Variants in MCPH1 observed in about 807,000 individuals in gnomAD.
MCPH1 encodes the protein microcephalin 1.
Under a neutral mutation model 84.5 loss-of-function variants are expected in MCPH1, and 104 were observed. The ratio of observed to expected loss-of-function variants is 1.23; its 90% CI spans 1.05 to 1.45. MCPH1 has a LOEUF of 1.45. Among genes scored for constraint, MCPH1 ranks in the 40% most tolerant of loss-of-function variants. The pLI is 0.00. For missense variants in MCPH1, 1,498 were observed against 1,005.7 expected, an observed-to-expected ratio of 1.49 and a Z score of -6.62; for synonymous variants, 514 against 366.8, an observed-to-expected ratio of 1.40 and a Z score of -4.58.
chr8:6,436,932 T>C (rs1375861124), intron 5 of MCPH1, among the ~76,000 whole-genome samples: 1 of 151,860 alleles, frequency 6.6e-6, no homozygotes, highest in African/African-American at 2.4e-5. Flanking sequence ...ACTGCACCAC[T>C]GCACTCCAGC....
At chr8:6,414,112 A>C (rs971982786) in intron 2 of MCPH1, among the ~76,000 whole-genome samples, 21 of 151,794 alleles carry the variant, frequency 1.4e-4, no homozygotes, top group African/African-American at 4.6e-4. Context: ...CTTATTTTCA[A>C]CCTTCTTACT....
chr8:6,500,808 C>A (rs2129562822), intron 12 of MCPH1: 1 of 152,312 alleles, frequency 6.6e-6, no homozygotes, highest in South Asian at 2.1e-4. Flanking sequence ...TCCCCCCATT[C>A]TCGCTCATAA....
At chr8:6,527,628 G>C (rs754043720) in intron 12 of MCPH1, 3 of 1,613,852 alleles carry the variant, frequency 1.9e-6, no homozygotes, top group African/African-American at 1.3e-5. Context: ...TTTGTCGAGA[G>C]GGAGTGTTCC....
intron 2 of MCPH1, among the ~76,000 whole-genome samples, chr8:6,411,568 G>C (rs1216394936): frequency 3.3e-5 from 5 of 152,170 alleles, no homozygotes; most frequent in Admixed American, 1.3e-4. Flanking sequence ...AAGATCGACA[G>C]TGAGAACAAA....
chr8:6,453,992 T>C (rs1326565729), intron 8 of MCPH1, among the ~76,000 whole-genome samples: 2 of 152,204 alleles, frequency 1.3e-5, no homozygotes, highest in African/African-American at 4.8e-5. Context: ...AGTATTAACA[T>C]TTTTATTCTA....
At position 6,548,297 on chromosome 8, in the gene MCPH1, C is replaced by T. The variant is rs116613739; in HGVS notation, c.2214+48368C>T. The stretch of plus-strand genomic sequence containing the variant: ...GGTGGTGTGTGTAGACCTGACAGGA[C>T]TCTACTCGTGCGTCACTTCCCAGCT... On this transcript the variant is annotated intron_variant, in intron 12 of 13. Coordinates refer to ENST00000344683, the MANE Select transcript of MCPH1 (RefSeq NM_024596.5). 5.7e-3 allele frequency among the ~76,000 whole-genome samples: 861 copies of T among 152,266 alleles called. 9 individuals carry two copies. The highest frequency in any genetic ancestry group is 0.02 in the African/African-American group (820 of 41,538).
intron 10 of MCPH1, 151 bp from the exon 11 acceptor site, chr8:6,480,563 T>TATA: frequency 3.9e-6 from 3 of 761,856 alleles, no homozygotes; most frequent in Non-Finnish European, 6.9e-6. Flanking sequence ...AAGCATTGAT[T>TATA]ATAAGTCAGT....
intron 11 of MCPH1, among the ~76,000 whole-genome samples, chr8:6,482,545 A>T (rs1020011736): frequency 6.6e-6 from 1 of 152,150 alleles, no homozygotes; most frequent in Non-Finnish European, 1.5e-5. Context: ...CAGGTTTTGG[A>T]GGAAAAAATG....
At chr8:6,487,708 TC>T (rs1810103576) in intron 11 of MCPH1, among the ~76,000 whole-genome samples, 2 of 152,238 alleles carry the variant, frequency 1.3e-5, no homozygotes, top group Admixed American at 6.5e-5. Context: ...CTGACTAGGA[TC>T]TCAGGCCTGG....
intron 9 of MCPH1, among the ~76,000 whole-genome samples, chr8:6,457,392 C>G (rs990866607): frequency 5.9e-5 from 9 of 151,746 alleles, no homozygotes; most frequent in Admixed American, 5.2e-4. Flanking sequence ...CGAGACCAGC[C>G]TGGCCAACAT....
rs181436044 is a variant in MCPH1 at position 6,588,202 on chromosome 8, C to T, written c.2215-33252C>T. Among the ~76,000 whole-genome samples the T allele has an allele frequency of 8.1e-4, 124 of 152,268 alleles. 1 individual carries two copies. The highest frequency in any genetic ancestry group is 2.9e-3 in the African/African-American group (119 of 41,548). On this transcript the variant is annotated intron_variant, in intron 12 of 13. Transcript: ENST00000344683. ...CCACTGTGCCTCCTGTCCCCTCCAC[C>T]TTCTCCTAGTCCAGGAAGGGAATAG...
intron 11 of MCPH1, among the ~76,000 whole-genome samples, chr8:6,483,130 A>G (rs2129560115): frequency 6.6e-6 from 1 of 152,350 alleles, no homozygotes; most frequent in African/African-American, 2.4e-5. Context: ...AAATAAGTGC[A>G]GGATCTGTGT....
At chr8:6,583,182 T>G (rs1016147487) in intron 12 of MCPH1, among the ~76,000 whole-genome samples, 1 of 151,684 alleles carries the variant, frequency 6.6e-6, no homozygotes, top group African/African-American at 2.4e-5. Flanking sequence ...TTCAGAGTGA[T>G]TTTTTTTTCT....
rs1047380434 is a variant in MCPH1 at position 6,647,685 on chromosome 8, T to G, written c.*4636T>G. The stretch of plus-strand genomic sequence containing the variant: ...AAAGACTACAAATTGTAAGATTCCA[T>G]TTAGATACCATTTCTACAAACCGCA... On this transcript the variant is annotated 3_prime_UTR_variant, in exon 14 of 14. Transcript: ENST00000344683. 7 of 152,232 alleles carry G rather than the reference T, an allele frequency of 4.6e-5. No homozygotes were observed. Among genetic ancestry groups the G allele is most frequent in the African/African-American group, 1.7e-4 (7 of 41,458 alleles). The allele number at this position is 152,232 out of a possible 1,614,324, so 9.4% of individuals were successfully genotyped here.
chr8:6,512,254 G>C (rs1267049440), intron 12 of MCPH1, among the ~76,000 whole-genome samples: 1 of 152,114 alleles, frequency 6.6e-6, no homozygotes, highest in Non-Finnish European at 1.5e-5. Flanking sequence ...TTTTCAGTTG[G>C]TTGTTCAGGC....
chr8:6,429,735 T>A (rs1028390012), intron 3 of MCPH1, among the ~76,000 whole-genome samples: 4 of 151,980 alleles, frequency 2.6e-5, no homozygotes, highest in Non-Finnish European at 5.9e-5. Context: ...CAGTTAAGGA[T>A]TCCCCCTCCC....
rs937442380 is a variant in MCPH1 at position 6,645,459 on chromosome 8, C to G, written c.*2410C>G. ...AAAAAATTTGTAAAGGCTTATGGCT[C>G]TCACCACTGTTATTCAACGTTGCAT... On this transcript the variant is annotated 3_prime_UTR_variant, in exon 14 of 14. Transcript: ENST00000344683. 6.6e-6 allele frequency: 1 copy of G among 152,034 alleles called. No homozygotes were observed. 9.4% of individuals were successfully genotyped at this position (152,034 alleles called of 1,614,324 possible).
chr8:6,458,591 G>A (rs950425563), intron 9 of MCPH1, among the ~76,000 whole-genome samples: 2 of 152,024 alleles, frequency 1.3e-5, no homozygotes, highest in African/African-American at 4.8e-5. Context: ...TTATTTTACA[G>A]GTTAGAAGGA....
chr8:6,610,316 A>T (rs914483581), intron 12 of MCPH1, among the ~76,000 whole-genome samples: 8 of 152,228 alleles, frequency 5.3e-5, no homozygotes, highest in Non-Finnish European at 1.0e-4. Flanking sequence ...CTAAGTTACA[A>T]TCAGGTGTCT....
Sources: gnomAD v4.1 joint callset for allele counts (sites outside exome capture counted in the v4.1 genomes callset) on GRCh38, gnomAD v4.1.1 for gene constraint, MANE v1.5 for transcripts, NCBI Gene and HGNC (gene_info 2026-07-23, HGNC 2026-07-21) for gene names.